The following MICAL3 variants were observed in gnomAD, a reference collection of about 807,000 sequenced individuals.
MICAL3 encodes the protein [F-actin]-monooxygenase MICAL3.
A neutral mutation model predicts 207.4 loss-of-function variants in MICAL3; 62 were observed. The observed-to-expected ratio is 0.30, with a 90% confidence interval of 0.24 to 0.37. The LOEUF (loss-of-function observed/expected upper bound fraction) is 0.37, where lower values mean the gene tolerates loss of function less well. MICAL3 is among the 10% of genes least tolerant of loss of function. The pLI is 1.00. For missense variants in MICAL3, 2,368 were observed against 2,635.6 expected, an observed-to-expected ratio of 0.90 and a Z score of 2.22; for synonymous variants, 1,077 against 1,069.3, an observed-to-expected ratio of 1.01 and a Z score of -0.14.
intron 15 of MICAL3, among the ~76,000 whole-genome samples, chr22:17,886,308 C>A (rs138918578): frequency 6.6e-6 from 1 of 152,216 alleles, no homozygotes; most frequent in South Asian, 2.1e-4. Flanking sequence ...ACAAGGAGGC[C>A]CTGGTGCACG....
rs765793885 is a variant in MICAL3, at chr22:17,902,792, G to C, written c.473-45C>G. 5 of 1,236,272 alleles carry C rather than the reference G, an allele frequency of 4.0e-6. No individual in the cohort carries two copies. Among genetic ancestry groups the C allele is most frequent in the East Asian group, 5.0e-5 (2 of 39,644 alleles). 76.6% of individuals were successfully genotyped at this position (1,236,272 alleles called of 1,614,324 possible). A position where few individuals can be genotyped will look rare whatever the true frequency, so the allele number is the denominator to read the frequency against. On this transcript the variant is annotated intron_variant, in intron 3 of 31. Transcript: ENST00000441493. The surrounding 1 kb of genome is among the most constrained non-coding windows in gnomAD (Gnocchi z 4.5). The stretch of plus-strand genomic sequence containing the variant: ...ACGTTGATGGGAACACATGGAGAAG[G>C]GGGTACCCATCCGTGTCGCAGCTCA...
At chr22:17,969,695 C>T (rs866062144) in intron 1 of MICAL3, among the ~76,000 whole-genome samples, 5 of 152,198 alleles carry the variant, frequency 3.3e-5, no homozygotes, top group Non-Finnish European at 7.3e-5. Flanking sequence ...TGGAGGTATT[C>T]GCTTTTTCCT....
intron 1 of MICAL3, among the ~76,000 whole-genome samples, chr22:17,929,772 T>C (rs1933150635): frequency 1.3e-5 from 2 of 152,158 alleles, no homozygotes; most frequent in African/African-American, 4.8e-5. Context: ...TTTCACCTGA[T>C]GCCCAGGCTG....
intron 1 of MICAL3, among the ~76,000 whole-genome samples, chr22:17,953,073 T>C (rs1934426605): frequency 6.6e-6 from 1 of 152,110 alleles, no homozygotes; most frequent in Non-Finnish European, 1.5e-5. Flanking sequence ...CTCAGGAGCA[T>C]AAGGTGTGCA....
Position 17,899,434 on chromosome 22 carries a change from A to G in MICAL3, c.948+14T>C. 6.5e-7 allele frequency: 1 copy of G among 1,545,862 alleles called. No individual in the cohort carries two copies. The highest frequency in any genetic ancestry group is 8.9e-7 in the Non-Finnish European group (1 of 1,123,992). ...TTCAATAAGAAAGAGTTTTGAAGGA[A>G]ATCCGTGGCTCACATGTAGTATCAC... On this transcript the variant is annotated intron_variant, in intron 7 of 31. Coordinates refer to ENST00000441493, the MANE Select transcript of MICAL3 (RefSeq NM_015241.3).
At chr22:17,867,327 C>A (rs943229255) in intron 17 of MICAL3, among the ~76,000 whole-genome samples, 2 of 152,226 alleles carry the variant, frequency 1.3e-5, no homozygotes, top group Non-Finnish European at 2.9e-5. Context: ...GCCAGTCTTA[C>A]CGCCTGTTTC....
At chr22:17,990,726 C>T (rs954569157) in intron 1 of MICAL3, among the ~76,000 whole-genome samples, 2 of 152,274 alleles carry the variant, frequency 1.3e-5, no homozygotes, top group East Asian at 1.9e-4. Flanking sequence ...AACCTCACTG[C>T]GCCTCATCTT....
intron 28 of MICAL3, among the ~76,000 whole-genome samples, chr22:17,809,440 CCT>C (rs1487075869): frequency 6.6e-6 from 1 of 152,194 alleles, no homozygotes; most frequent in Non-Finnish European, 1.5e-5. Context: ...TCAAGACCCT[CCT>C]CGCTAGCATG....
chr22:17,816,640 T>C lies in MICAL3; in HGVS notation c.5445+50A>G, dbSNP rs913529029. ...CCTCTACCCCACCAAAGCCCAACAATGAACAGACAGGGCCCCAGGCCCTGT... is the reference window on the plus strand; with the variant it reads ...CCTCTACCCCACCAAAGCCCAACAACGAACAGACAGGGCCCCAGGCCCTGT... On this transcript the variant is annotated intron_variant, in intron 27 of 31. Coordinates refer to ENST00000441493, the MANE Select transcript of MICAL3 (RefSeq NM_015241.3). The C allele has an allele frequency of 2.4e-5, 34 of 1,420,918 alleles. No homozygotes were observed. The African/African-American group carries it at 3.3e-4, about 14-fold the overall frequency. 88.0% of individuals were successfully genotyped at this position (1,420,918 alleles called of 1,614,324 possible).
intron 1 of MICAL3, among the ~76,000 whole-genome samples, chr22:18,011,009 C>G (rs1448070905): frequency 6.6e-6 from 1 of 151,070 alleles, no homozygotes; most frequent in Non-Finnish European, 1.5e-5. Flanking sequence ...CTGCATATCT[C>G]TTTGAGACTG....
chr22:17,883,990 G>A (rs924930255), intron 16 of MICAL3, among the ~76,000 whole-genome samples: 2 of 152,164 alleles, frequency 1.3e-5, no homozygotes, highest in South Asian at 2.1e-4. Context: ...CCAAGAGCGC[G>A]GGTACCCTTG....
intron 16 of MICAL3, chr22:17,875,308 A>T (rs1569107862): frequency 4.1e-6 from 2 of 485,554 alleles, no homozygotes; most frequent in Non-Finnish European, 7.3e-6. Flanking sequence ...GGCAAACAGC[A>T]ACACATGCAG....
intron 19 of MICAL3, among the ~76,000 whole-genome samples, chr22:17,850,551 A>G (rs886471454): frequency 6.6e-5 from 10 of 151,728 alleles, no homozygotes; most frequent in African/African-American, 2.4e-4. Context: ...AGCTGGGATT[A>G]CAGGCGCCTG....
chr22:17,952,359 C>T (rs560094938), intron 1 of MICAL3, among the ~76,000 whole-genome samples: 47 of 152,280 alleles, frequency 3.1e-4, no homozygotes, highest in Non-Finnish European at 5.7e-4. Flanking sequence ...CAAGGAAATC[C>T]GCAGCATCCA....
chr22:17,942,539 A>G (rs539619548), intron 1 of MICAL3, among the ~76,000 whole-genome samples: 42 of 152,354 alleles, frequency 2.8e-4, no homozygotes, highest in African/African-American at 9.6e-4. Context: ...GTAAAATCTA[A>G]GGAGAGTGGC....
intron 19 of MICAL3, among the ~76,000 whole-genome samples, chr22:17,846,614 T>A (rs1004409611): frequency 6.6e-6 from 1 of 152,126 alleles, no homozygotes; most frequent in Non-Finnish European, 1.5e-5. Context: ...AGTGCAGATG[T>A]AAACAAGCGC....
chr22:17,929,205 C>G (rs1397348709), intron 1 of MICAL3, among the ~76,000 whole-genome samples: 1 of 150,128 alleles, frequency 6.7e-6, no homozygotes, highest in Middle Eastern at 3.4e-3. Flanking sequence ...TCAAACAATT[C>G]CCCCTACCTC....
chr22:18,000,733 G>A (rs1046346727), intron 1 of MICAL3, among the ~76,000 whole-genome samples: 4 of 152,198 alleles, frequency 2.6e-5, no homozygotes, highest in African/African-American at 9.7e-5. Context: ...GAAGGCGGCT[G>A]CGATCGCCCG....
At chr22:17,943,247 C>T (rs1002647781) in intron 1 of MICAL3, among the ~76,000 whole-genome samples, 1 of 152,180 alleles carries the variant, frequency 6.6e-6, no homozygotes, top group Non-Finnish European at 1.5e-5. Context: ...ACTGCAACCT[C>T]TGCCTCCAGG....
Sources: gnomAD v4.1 joint callset for allele counts (sites outside exome capture counted in the v4.1 genomes callset) on GRCh38, gnomAD v4.1.1 for gene constraint, Gnocchi (gnomAD v3.1) non-coding constraint, MANE v1.5 for transcripts, NCBI Gene and HGNC (gene_info 2026-07-23, HGNC 2026-07-21) for gene names.